Variants in PKD1L1 observed in about 807,000 individuals in gnomAD.
The protein encoded by PKD1L1 is polycystin 1 like 1, transient receptor potential channel interacting.
A neutral mutation model predicts 323.4 loss-of-function variants in PKD1L1; 236 were observed. That is an observed-to-expected ratio of 0.73 (90% CI 0.66 to 0.81). PKD1L1 has a LOEUF of 0.81. PKD1L1 is among the 40% of genes least tolerant of loss of function. The pLI is 0.00. For synonymous variants in PKD1L1, 1,344 were observed against 1,335.0 expected (o/e 1.01, Z -0.15); for missense variants, 3,320 against 3,508.0 (o/e 0.95, Z 1.35).
intron 55 of PKD1L1, 127 bp downstream of exon 55, chr7:47,795,862 G>T (rs1039802185): frequency 1.8e-6 from 2 of 1,122,514 alleles, no homozygotes; most frequent in Non-Finnish European, 2.6e-6. Flanking sequence ...CTAATTTTGT[G>T]GCTTTGCAAG....
intron 56 of PKD1L1, among the ~76,000 whole-genome samples, chr7:47,786,896 C>G (rs1197623795): frequency 1.3e-5 from 2 of 152,072 alleles, no homozygotes; most frequent in African/African-American, 2.4e-5. Context: ...GTTAAGGGGG[C>G]CGAGCTGGCA....
intron 46 of PKD1L1, chr7:47,819,597 A>C: frequency 7.4e-7 from 1 of 1,358,880 alleles, no homozygotes; most frequent in Middle Eastern, 2.1e-4. Flanking sequence ...TTCACAAATG[A>C]GGAGGCAGAA....
chr7:47,828,036 C>T (rs540349062), intron 44 of PKD1L1, among the ~76,000 whole-genome samples: 9 of 152,270 alleles, frequency 5.9e-5, no homozygotes, highest in Admixed American at 5.9e-4. Flanking sequence ...GTCCTTCCTC[C>T]TAGAGACTCT....
At chr7:47,786,565 T>C (rs1786811941) in intron 56 of PKD1L1, among the ~76,000 whole-genome samples, 1 of 152,158 alleles carries the variant, frequency 6.6e-6, no homozygotes, top group South Asian at 2.1e-4. Context: ...AAGGCAAAAA[T>C]CCTCTAGGAG....
At chr7:47,873,813 A>G in intron 24 of PKD1L1, 86 bp downstream of exon 24, 2 of 960,990 alleles carry the variant, frequency 2.1e-6, no homozygotes, top group South Asian at 3.3e-5. Flanking sequence ...CATGTTTTTG[A>G]CGCTTGTTAA....
chr7:47,803,955 C>T (rs902167359), intron 52 of PKD1L1, among the ~76,000 whole-genome samples: 1 of 152,146 alleles, frequency 6.6e-6, no homozygotes, highest in African/African-American at 2.4e-5. Context: ...ATTCACAAGG[C>T]CTCTAGGAAG....
chr7:47,881,851 G>A, intron 20 of PKD1L1, 58 bp downstream of exon 20: 4 of 1,475,378 alleles, frequency 2.7e-6, no homozygotes, highest in Non-Finnish European at 3.6e-6. Flanking sequence ...ATTGAGGGCT[G>A]ATATCTAAAA....
chr7:47,796,218 G>A, intron 54 of PKD1L1, 68 bp from the exon 55 acceptor site: 1 of 1,273,888 alleles, frequency 7.8e-7, no homozygotes, highest in Admixed American at 2.5e-5. Context: ...TTGTTAACGT[G>A]ATAAACTATG....
chr7:47,835,179 G>C lies in PKD1L1; in HGVS notation c.6008C>G (p.Ala2003Gly). The C allele has an allele frequency of 6.3e-7, 1 of 1,595,348 alleles. No individual in the cohort carries two copies. Among genetic ancestry groups the C allele is most frequent in the Non-Finnish European group, 8.5e-7 (1 of 1,174,008 alleles). ...GGACAAGAGCTGGGCCCCTGGAGAA[G>C]CCAGGAGGGTACACAGGAGACCCAC... ...FRVGLLCTLL[A>G]SPGAQLLSLL... is the part of the protein sequence containing the mutation. The change falls in exon 38 of 57, where the codon GCT (alanine) becomes GGT (glycine). Residue 2003 changes from alanine to glycine, a missense_variant. Transcript: ENST00000289672.
intron 52 of PKD1L1, among the ~76,000 whole-genome samples, chr7:47,803,934 G>T (rs543696958): frequency 1.3e-5 from 2 of 152,272 alleles, no homozygotes; most frequent in Admixed American, 1.3e-4. Flanking sequence ...CAGCCTTATG[G>T]ACTCGTCCAC....
In PKD1L1 at chr7:47,858,690, T is replaced by C; in HGVS notation, c.4345A>G (p.Ile1449Val). 1.2e-6 allele frequency: 2 copies of C among 1,612,858 alleles called. No homozygotes were observed. Among genetic ancestry groups the C allele is most frequent in the Middle Eastern group, 1.7e-4 (1 of 6,060 alleles). Residue 1449 changes from isoleucine to valine, a missense_variant, in exon 27 of 57, where the codon ATC becomes GTC. Ile to Val is a conservative substitution (Grantham distance 29). Transcript: ENST00000289672. ...TGACTTACCAACAATAAATCTGAGA[T>C]GACTGTAATTCCTTCTTCATGTCGA... ...VYRHEEGITV[I>V]SDLLLGCLSL...
intron 24 of PKD1L1, among the ~76,000 whole-genome samples, chr7:47,871,147 AG>A (rs1317379555): frequency 2.0e-5 from 3 of 152,166 alleles, no homozygotes; most frequent in Non-Finnish European, 4.4e-5. Context: ...AATCAAATCC[AG>A]CACACAGAAA....
intron 3 of PKD1L1, among the ~76,000 whole-genome samples, chr7:47,937,377 C>T (rs913904357): frequency 6.6e-6 from 1 of 152,100 alleles, no homozygotes; most frequent in African/African-American, 2.4e-5. Context: ...GGTGGAGGCA[C>T]ACCTGCTTCA....
Position 47,827,464 on chromosome 7 carries a change from A to C in PKD1L1, c.6740T>G (p.Leu2247Trp). The change falls in exon 45 of 57, where the codon TTG becomes TGG. Residue 2247 changes from leucine (L) to tryptophan (W), a missense_variant. Coordinates refer to ENST00000289672, the MANE Select transcript of PKD1L1 (RefSeq NM_138295.5). ...GTGGCGAGCTTGTTGTCGGGCAGCC[A>C]AGACCTGTCAGGGACAAGAGTGCTG... ...PDCAGEVEKVLAARQQARHLR... is the reference protein window; with the variant it reads ...PDCAGEVEKVWAARQQARHLR... The C allele has an allele frequency of 6.2e-7, 1 of 1,607,266 alleles. No homozygotes were observed.
intron 46 of PKD1L1, among the ~76,000 whole-genome samples, chr7:47,819,080 C>A (rs1448542424): frequency 6.6e-6 from 1 of 152,124 alleles, no homozygotes; most frequent in Non-Finnish European, 1.5e-5. Flanking sequence ...TAGTAAATGC[C>A]AAACCCTAAG....
intron 14 of PKD1L1, among the ~76,000 whole-genome samples, chr7:47,897,391 T>C (rs1786979919): frequency 6.6e-6 from 1 of 152,246 alleles, no homozygotes; most frequent in African/African-American, 2.4e-5. Context: ...GTTCTGCTCA[T>C]TATCCCTGGT....
intron 25 of PKD1L1, among the ~76,000 whole-genome samples, chr7:47,865,490 C>T (rs1786143658): frequency 6.6e-6 from 1 of 152,188 alleles, no homozygotes; most frequent in African/African-American, 2.4e-5. Context: ...GCCCCCTAGA[C>T]ATCCTCAGCA....
At chr7:47,880,247 GATATATATATATATATAC>G (rs1562970356) in intron 21 of PKD1L1, among the ~76,000 whole-genome samples, 15 of 98,112 alleles carry the variant, frequency 1.5e-4, no homozygotes, top group African/African-American at 1.9e-4. Flanking sequence ...GCATAAATAA[GATATATATATATATATAC>G]ATATATATAT....
At chr7:47,787,734 CA>C (rs1786840945) in intron 56 of PKD1L1, among the ~76,000 whole-genome samples, 1 of 152,102 alleles carries the variant, frequency 6.6e-6, no homozygotes, top group African/African-American at 2.4e-5. Context: ...CTTTTTGAGA[CA>C]GGTTTTCACT....
Sources: allele counts gnomAD v4.1 joint callset (sites outside exome capture counted in the v4.1 genomes callset), GRCh38; gene constraint gnomAD v4.1.1; transcripts MANE v1.5; gene names NCBI Gene and HGNC (gene_info 2026-07-23, HGNC 2026-07-21).